The following ZMAT4 variants were observed in gnomAD, a reference collection of about 807,000 sequenced individuals.
The protein encoded by ZMAT4 is zinc finger matrin-type protein 4.
ZMAT4 carries 17 observed loss-of-function variants against 28.7 expected under a neutral mutation model. The ratio of observed to expected loss-of-function variants is 0.59; its 90% CI spans 0.41 to 0.89. The LOEUF (loss-of-function observed/expected upper bound fraction) is 0.89, where lower values mean the gene tolerates loss of function less well. ZMAT4 is among the 40% of genes least tolerant of loss of function. ZMAT4 has a pLI of 0.00. For synonymous variants in ZMAT4, 117 were observed against 109.2 expected, an observed-to-expected ratio of 1.07 and a Z score of -0.44; for missense variants, 240 against 283.8, an observed-to-expected ratio of 0.85 and a Z score of 1.11.
intron 6 of ZMAT4, among the ~76,000 whole-genome samples, chr8:40,566,391 G>A (rs548423761): frequency 2.6e-5 from 4 of 152,152 alleles, no homozygotes; most frequent in South Asian, 2.1e-4. Context: ...GATGTTTTCC[G>A]GACATGTGGG....
chr8:40,633,198 T>C (rs939318780), intron 5 of ZMAT4, among the ~76,000 whole-genome samples: 2 of 152,170 alleles, frequency 1.3e-5, no homozygotes, highest in African/African-American at 4.8e-5. Flanking sequence ...TCAGCTGTTG[T>C]CTAGAATGTA....
chr8:40,878,676 A>G (rs749317427), intron 1 of ZMAT4, among the ~76,000 whole-genome samples: 3 of 152,210 alleles, frequency 2.0e-5, no homozygotes, highest in Admixed American at 6.5e-5. Context: ...GGTGCACTCA[A>G]TGTACCACAG....
chr8:40,897,440 A>T (rs1201084971), intron 1 of ZMAT4, among the ~76,000 whole-genome samples: 1 of 152,164 alleles, frequency 6.6e-6, no homozygotes, highest in Admixed American at 6.5e-5. Context: ...CTGAGACCAG[A>T]CCTATTTAGA....
intron 1 of ZMAT4, among the ~76,000 whole-genome samples, chr8:40,843,138 A>G (rs902630537): frequency 3.3e-5 from 5 of 152,216 alleles, no homozygotes; most frequent in Admixed American, 1.3e-4. Context: ...CAAGCCCCTG[A>G]CAGAGAGGCA....
At chr8:40,787,045 C>A (rs981538065) in intron 2 of ZMAT4, among the ~76,000 whole-genome samples, 5 of 152,098 alleles carry the variant, frequency 3.3e-5, no homozygotes, top group Admixed American at 3.3e-4. Context: ...TATATGTTTC[C>A]TTAACTGTAA....
intron 1 of ZMAT4, among the ~76,000 whole-genome samples, chr8:40,835,108 T>G (rs536279155): frequency 6.6e-6 from 1 of 152,330 alleles, no homozygotes; most frequent in Admixed American, 6.5e-5. Flanking sequence ...CTGCTTTCTC[T>G]TTCTGCACTT....
chr8:40,857,468 T>C (rs1817339635), intron 1 of ZMAT4, among the ~76,000 whole-genome samples: 1 of 152,026 alleles, frequency 6.6e-6, no homozygotes, highest in African/African-American at 2.4e-5. Context: ...AGGACCACAA[T>C]GGAATTCCAC....
intron 5 of ZMAT4, among the ~76,000 whole-genome samples, chr8:40,599,656 G>C (rs184784616): frequency 6.6e-6 from 1 of 152,232 alleles, no homozygotes; most frequent in Non-Finnish European, 1.5e-5. Context: ...CAAGAGCTGC[G>C]GAAGCAGATG....
At chr8:40,629,327 TTTC>T (rs1391967153) in intron 5 of ZMAT4, among the ~76,000 whole-genome samples, 1 of 151,732 alleles carries the variant, frequency 6.6e-6, no homozygotes, top group Non-Finnish European at 1.5e-5. Flanking sequence ...ATTTTCTCAT[TTTC>T]TTCTGAGTTT....
chr8:40,820,768 TATA>T (rs1815755434), intron 2 of ZMAT4, among the ~76,000 whole-genome samples: 1 of 224 alleles, frequency 4.5e-3, no homozygotes, highest in Non-Finnish European at 8.1e-3. Flanking sequence ...TATGCATGTG[TATA>T]TGTGTTTATG....
At chr8:40,545,078 C>T (rs886778540) in intron 6 of ZMAT4, among the ~76,000 whole-genome samples, 2 of 152,116 alleles carry the variant, frequency 1.3e-5, no homozygotes, top group Non-Finnish European at 2.9e-5. Flanking sequence ...GCTTCTCATG[C>T]CTAGAGATGC....
At chr8:40,847,159 G>C (rs1349507075) in intron 1 of ZMAT4, among the ~76,000 whole-genome samples, 3 of 150,334 alleles carry the variant, frequency 2.0e-5, no homozygotes, top group African/African-American at 7.4e-5. Flanking sequence ...AGTCAAGATT[G>C]TGCCACTGCA....
intron 1 of ZMAT4, among the ~76,000 whole-genome samples, chr8:40,896,597 G>A (rs1818887170): frequency 6.6e-6 from 1 of 152,166 alleles, no homozygotes; most frequent in African/African-American, 2.4e-5. Context: ...TCTCCCTTTA[G>A]CAGAAGCCAA....
intron 1 of ZMAT4, among the ~76,000 whole-genome samples, chr8:40,865,744 G>T (rs142581005): frequency 1.3e-5 from 2 of 152,296 alleles, no homozygotes; most frequent in Non-Finnish European, 2.9e-5. Context: ...ACTCGAACCC[G>T]GACTTTTAGA....
rs528278373 is a variant in ZMAT4 at position 40,798,508 on chromosome 8, C to G, written c.102+27067G>C. Among the ~76,000 whole-genome samples the G allele has an allele frequency of 7.2e-5, 11 of 152,246 alleles. 1 individual carries two copies. The South Asian group carries it at 2.3e-3, about 32-fold the overall frequency. On this transcript the variant is annotated intron_variant, in intron 2 of 6. Transcript: ENST00000297737. ...TAGAAACCAATAAATACCTCTTACT[C>G]CCTGACTGATTCCACTGTGAAGAGC...
chr8:40,748,986 C>T (rs532248040), intron 3 of ZMAT4, among the ~76,000 whole-genome samples: 2 of 152,068 alleles, frequency 1.3e-5, no homozygotes, highest in East Asian at 4.0e-4. Context: ...TGTGGAAGCG[C>T]ATAAGTCTCA....
At chr8:40,688,688 G>A (rs974522110) in intron 4 of ZMAT4, among the ~76,000 whole-genome samples, 3 of 152,174 alleles carry the variant, frequency 2.0e-5, no homozygotes, top group Non-Finnish European at 4.4e-5. Context: ...CTGGTAAAGT[G>A]AGGAAAATAT....
At position 40,614,271 on chromosome 8, in the gene ZMAT4, G is replaced by A. The variant is rs374245750; in HGVS notation, c.578-33010C>T. Among the ~76,000 whole-genome samples, 296 of 152,258 alleles carry A rather than the reference G, an allele frequency of 1.9e-3. 1 individual carries two copies. Among genetic ancestry groups the A allele is most frequent in the African/African-American group, 6.8e-3 (282 of 41,554 alleles). On this transcript the variant is annotated intron_variant, in intron 5 of 6. Coordinates refer to ENST00000297737, the MANE Select transcript of ZMAT4 (RefSeq NM_024645.3). ...AATTCTAAAAAGGATTGAATGCAACGTTAAATAAAATCCTCTTTACAATAA... is the reference window on the plus strand; with the variant it reads ...AATTCTAAAAAGGATTGAATGCAACATTAAATAAAATCCTCTTTACAATAA...
chr8:40,748,449 G>A (rs1382774619), intron 3 of ZMAT4, among the ~76,000 whole-genome samples: 1 of 152,158 alleles, frequency 6.6e-6, no homozygotes, highest in Admixed American at 6.5e-5. Flanking sequence ...TAAGCAGAAA[G>A]GAGGGGAATA....
Sources: gnomAD v4.1 joint callset for allele counts (sites outside exome capture counted in the v4.1 genomes callset) on GRCh38, gnomAD v4.1.1 for gene constraint, MANE v1.5 for transcripts, NCBI Gene and HGNC (gene_info 2026-07-23, HGNC 2026-07-21) for gene names.